Variants in PA2G4 observed in about 807,000 individuals in gnomAD.
The protein encoded by PA2G4 is proliferation-associated 2G4, also known as proliferation-associated protein 2G4.
PA2G4 carries 8 observed loss-of-function variants against 53.3 expected under a neutral mutation model. The observed-to-expected ratio is 0.15, with a 90% CI of 0.09 to 0.27. The LOEUF (loss-of-function observed/expected upper bound fraction) is 0.27. PA2G4 is among the 10% of genes least tolerant of loss of function. The pLI is 1.00. For synonymous variants in PA2G4, 143 were observed against 169.8 expected (o/e 0.84, Z 1.23); for missense variants, 208 against 486.8 (o/e 0.43, Z 5.39).
At chr12:56,106,812 C>T (rs2136839386) in intron 2 of PA2G4, 96 bp downstream of exon 2, 1 of 1,466,444 alleles carries the variant, frequency 6.8e-7, no homozygotes, top group Admixed American at 2.2e-5. Context: ...GTCCCCACCC[C>T]AGCTCTGGCT....
chr12:56,111,080 A>G (rs1308818216), intron 10 of PA2G4, 22 bp downstream of exon 10: 1 of 1,612,456 alleles, frequency 6.2e-7, no homozygotes, highest in South Asian at 1.1e-5. Context: ...AAAGAGCTTC[A>G]CTTTGGATTC....
chr12:56,106,464 A>G, intron 1 of PA2G4, 124 bp from the exon 2 acceptor site: 1 of 1,077,700 alleles, frequency 9.3e-7, no homozygotes, highest in Non-Finnish European at 1.3e-6. Context: ...TTGACCTTTC[A>G]GCCTCAGGGC....
intron 5 of PA2G4, among the ~76,000 whole-genome samples, 173 bp from the exon 6 acceptor site, chr12:56,109,057 C>T (rs1346648996): frequency 7.0e-6 from 1 of 143,732 alleles, no homozygotes; most frequent in Non-Finnish European, 1.5e-5. Context: ...ACCCGGGAGG[C>T]AGAGATTGCA....
chr12:56,105,086 C>T (rs757516375), intron 1 of PA2G4: 2 of 688,162 alleles, frequency 2.9e-6, no homozygotes, highest in South Asian at 3.0e-5. Flanking sequence ...GACCCGAGGC[C>T]GTTTGTTAGG....
chr12:56,111,146 A>G (rs879194671), intron 10 of PA2G4, 36 bp from the exon 11 acceptor site: 2 of 1,614,086 alleles, frequency 1.2e-6, no homozygotes, highest in South Asian at 2.2e-5. Context: ...TGACAAAGGA[A>G]CTTTTTATCA....
Position 56,113,006 on chromosome 12 carries a change from C to T in PA2G4, c.*118C>T, listed in dbSNP as rs887661627. 4 of 607,444 alleles carry T rather than the reference C, an allele frequency of 6.6e-6. No individual in the cohort carries two copies. The highest frequency in any genetic ancestry group is 1.1e-5 in the Non-Finnish European group (4 of 365,486). The allele number at this position is 607,444 out of a possible 1,614,324, so 37.6% of individuals were successfully genotyped here. A position where few individuals can be genotyped will look rare whatever the true frequency, so the allele number is the denominator to read the frequency against. The stretch of plus-strand genomic sequence containing the variant: ...ACCGCCAGCAGAGCGGGGGGATCTC[C>T]CTGCCCCCACCCCAGTTCCCCAACC... On this transcript the variant is annotated 3_prime_UTR_variant, in exon 13 of 13. Transcript: ENST00000303305.
Position 56,109,249 on chromosome 12 carries a change from C to T in PA2G4, c.506C>T (p.Ala169Val). The change falls in exon 6 of 13, where the codon GCC becomes GTC. Residue 169 changes from alanine to valine, a missense_variant. Physicochemically the swap from Ala to Val is moderately conservative, Grantham distance 64. This residue lies in a region of PA2G4 where 143 missense variants were observed against 386.8 expected (regional missense o/e 0.37). Transcript: ENST00000303305. The part of the protein sequence containing the change: ...PGNQNTQVTE[A>V]WNKVAHSFNC... Reference sequence around the variant, plus strand: ...TTCTAGAACACACAAGTGACAGAAGCCTGGAACAAAGTTGCCCACTCATTT... The same window carrying T: ...TTCTAGAACACACAAGTGACAGAAGTCTGGAACAAAGTTGCCCACTCATTT... The T allele has an allele frequency of 1.2e-6, 2 of 1,612,050 alleles. No individual in the cohort carries two copies. Among genetic ancestry groups the T allele is most frequent in the Middle Eastern group, 1.8e-4 (1 of 5,674 alleles).
chr12:56,112,270 T>C (rs1484619018), intron 12 of PA2G4, among the ~76,000 whole-genome samples: 2 of 152,232 alleles, frequency 1.3e-5, no homozygotes, highest in Non-Finnish European at 2.9e-5. Context: ...GGATTTGATG[T>C]ACCTTAACCT....
intron 6 of PA2G4, among the ~76,000 whole-genome samples, 196 bp from the exon 7 acceptor site, chr12:56,109,661 G>A (rs1362441886): frequency 1.3e-5 from 2 of 150,008 alleles, no homozygotes; most frequent in Non-Finnish European, 3.0e-5. Context: ...GAGTGGCTTT[G>A]CAGAATTGAG....
intron 1 of PA2G4, among the ~76,000 whole-genome samples, chr12:56,105,790 G>A (rs1049336186): frequency 2.5e-4 from 38 of 152,190 alleles, no homozygotes; most frequent in African/African-American, 9.2e-4. Context: ...TCCAGTTAGG[G>A]AGATACAAAC....
Position 56,112,945 on chromosome 12 carries a change from C to T in PA2G4, c.*57C>T. 2 of 1,187,326 alleles carry T rather than the reference C, an allele frequency of 1.7e-6. No homozygotes were observed. The highest frequency in any genetic ancestry group is 1.6e-5 in the African/African-American group (1 of 62,280). 73.5% of individuals were successfully genotyped at this position (1,187,326 alleles called of 1,614,324 possible). A position where few individuals can be genotyped will look rare whatever the true frequency, so the allele number is the denominator to read the frequency against. ...TGCCTCATCCCCTTCCCACCAAACC[C>T]CAGACTCTGTGAAGTGCAGTTCTTC... On this transcript the variant is annotated 3_prime_UTR_variant, in exon 13 of 13. Transcript: ENST00000303305.
At chr12:56,108,484 A>C (rs1438832925) in intron 5 of PA2G4, among the ~76,000 whole-genome samples, 1 of 152,226 alleles carries the variant, frequency 6.6e-6, no homozygotes, top group Admixed American at 6.5e-5. Flanking sequence ...GAGTACCCAT[A>C]CAACCATTCT....
intron 12 of PA2G4, among the ~76,000 whole-genome samples, 190 bp downstream of exon 12, chr12:56,111,719 T>TAC (rs1322019678): frequency 3.5e-4 from 52 of 148,380 alleles, no homozygotes; most frequent in African/African-American, 1.2e-3. Context: ...AATATATATA[T>TAC]ATATATTTTA....
At chr12:56,110,343 G>T in intron 7 of PA2G4, 56 bp from the exon 8 acceptor site, 1 of 1,068,028 alleles carries the variant, frequency 9.4e-7, no homozygotes, top group Non-Finnish European at 1.4e-6. Context: ...CTGGGTGACA[G>T]AATGAGACTC....
chr12:56,111,195 C>T lies in PA2G4; in HGVS notation c.951C>T (p.Ala317=). 6.2e-7 allele frequency: 1 copy of T among 1,614,098 alleles called. No homozygotes were observed. The highest frequency in any genetic ancestry group is 8.5e-7 in the Non-Finnish European group (1 of 1,180,020). The part of the protein sequence containing the change: ...VLYEKEGEFV[A]QFKFTVLLMP... ...TTTTTGCCATAGGTGAATTTGTTGC[C>T]CAGTTTAAATTTACAGTTCTGCTCA... Residue 317 remains alanine (A), a synonymous_variant, in exon 11 of 13, where the codon GCC becomes GCT. Coordinates refer to ENST00000303305, the MANE Select transcript of PA2G4 (RefSeq NM_006191.3).
At chr12:56,112,746 C>A in intron 12 of PA2G4, 77 bp from the exon 13 acceptor site, 4 of 1,015,108 alleles carry the variant, frequency 3.9e-6, no homozygotes. Context: ...AAAAAAAATA[C>A]TTTTATCTCT....
At chr12:56,107,468 G>A (rs1300004342) in intron 4 of PA2G4, 53 bp from the exon 5 acceptor site, 1 of 1,334,434 alleles carries the variant, frequency 7.5e-7, no homozygotes. Flanking sequence ...CAGATAGCCA[G>A]CTGAGTTAAC....
chr12:56,112,047 G>T (rs930436219), intron 12 of PA2G4, among the ~76,000 whole-genome samples: 2 of 152,116 alleles, frequency 1.3e-5, no homozygotes, highest in Non-Finnish European at 2.9e-5. Context: ...CTGGGAGGCA[G>T]AGGTTGCAGT....
At chr12:56,105,003 G>A (rs753220127) in intron 1 of PA2G4, 178 bp downstream of exon 1, 1 of 722,424 alleles carries the variant, frequency 1.4e-6, no homozygotes, top group Non-Finnish European at 2.5e-6. Context: ...GAGCGGGCAG[G>A]CCCAGGCTGA....
Sources: gnomAD v4.1 joint callset for allele counts (sites outside exome capture counted in the v4.1 genomes callset) on GRCh38, gnomAD v4.1.1 for gene constraint, gnomAD v4.1.1 regional missense constraint, MANE v1.5 for transcripts, NCBI Gene and HGNC (gene_info 2026-07-23, HGNC 2026-07-21) for gene names.